The following IPMK variants were observed in gnomAD, a reference collection of about 807,000 sequenced individuals.
The protein encoded by IPMK is inositol polyphosphate multikinase.
A neutral mutation model predicts 45.8 loss-of-function variants in IPMK; 17 were observed. The ratio of observed to expected loss-of-function variants is 0.37; its 90% CI spans 0.25 to 0.56. IPMK has a LOEUF of 0.56. Among genes scored for constraint, IPMK ranks in the 20% least tolerant of loss-of-function variants. IPMK has a pLI of 0.79. For synonymous variants in IPMK, 180 were observed against 184.3 expected (o/e 0.98, Z 0.19); for missense variants, 399 against 498.0 (o/e 0.80, Z 1.89).
intron 1 of IPMK, among the ~76,000 whole-genome samples, chr10:58,265,674 A>C (rs1324098711): frequency 1.3e-5 from 2 of 152,200 alleles, no homozygotes; most frequent in East Asian, 3.8e-4. Flanking sequence ...ATTGCAAAAA[A>C]AGTTTATTTT....
chr10:58,199,220 A>G lies in IPMK; in HGVS notation c.628+20T>C, dbSNP rs1404160732. ...CTTTTAACTGTTCAATCATAAAAGCATTAGTTTTTTAGTCCTTACCATCCT... is the reference window on the plus strand; with the variant it reads ...CTTTTAACTGTTCAATCATAAAAGCGTTAGTTTTTTAGTCCTTACCATCCT... On this transcript the variant is annotated intron_variant, in intron 5 of 5. Coordinates refer to ENST00000373935, the MANE Select transcript of IPMK (RefSeq NM_152230.5). 1.4e-6 allele frequency: 2 copies of G among 1,478,888 alleles called. No individual in the cohort carries two copies. The highest frequency in any genetic ancestry group is 2.1e-4 in the Middle Eastern group (1 of 4,872). The allele number at this position is 1,478,888 out of a possible 1,614,324, so 91.6% of individuals were successfully genotyped here. A position where few individuals can be genotyped will look rare whatever the true frequency, so the allele number is the denominator to read the frequency against.
chr10:58,221,549 A>C (rs1838336327), intron 3 of IPMK, among the ~76,000 whole-genome samples: 8 of 152,004 alleles, frequency 5.3e-5, no homozygotes, highest in Admixed American at 5.3e-4. Flanking sequence ...ACTAAAAATA[A>C]GATAGATTTC....
At chr10:58,253,746 A>G (rs577563377) in intron 1 of IPMK, among the ~76,000 whole-genome samples, 10 of 137,418 alleles carry the variant, frequency 7.3e-5, no homozygotes, top group Middle Eastern at 7.0e-3. Flanking sequence ...AAAAAAAAAA[A>G]AAAAGAAAAA....
At chr10:58,197,041 C>G (rs968128847) in intron 5 of IPMK, among the ~76,000 whole-genome samples, 8 of 152,186 alleles carry the variant, frequency 5.3e-5, no homozygotes, top group Non-Finnish European at 1.0e-4. Flanking sequence ...TGGCTCACGC[C>G]TGTAATCCCA....
intron 1 of IPMK, among the ~76,000 whole-genome samples, chr10:58,243,481 T>C (rs1010698507): frequency 1.8e-4 from 27 of 152,306 alleles, no homozygotes; most frequent in Admixed American, 1.4e-3. Flanking sequence ...GTGATTCTCC[T>C]GCCTCGGCCT....
At chr10:58,237,191 T>C (rs1838626754) in intron 2 of IPMK, among the ~76,000 whole-genome samples, 1 of 152,190 alleles carries the variant, frequency 6.6e-6, no homozygotes, top group Non-Finnish European at 1.5e-5. Flanking sequence ...CCTTGCCCTC[T>C]TGCCCTTACA....
intron 1 of IPMK, among the ~76,000 whole-genome samples, chr10:58,252,130 T>G (rs1353420907): frequency 6.6e-6 from 1 of 152,234 alleles, no homozygotes; most frequent in Non-Finnish European, 1.5e-5. Flanking sequence ...GCCATTTATT[T>G]TTAGTGTCTC....
chr10:58,230,421 AT>A (rs1838495718), intron 2 of IPMK, among the ~76,000 whole-genome samples: 1 of 152,174 alleles, frequency 6.6e-6, no homozygotes, highest in African/African-American at 2.4e-5. Flanking sequence ...GACACCTCAT[AT>A]AGGCGGCTGC....
At chr10:58,220,633 C>T (rs1405686765) in intron 3 of IPMK, among the ~76,000 whole-genome samples, 2 of 130,976 alleles carry the variant, frequency 1.5e-5, no homozygotes, top group African/African-American at 7.5e-5. Context: ...AGCATAGTGT[C>T]AGTCCTCATC....
Position 58,216,287 on chromosome 10 carries a change from T to C in IPMK, c.404A>G (p.His135Arg). ...CATTATACAGGGCTTATTAAATTTA[T>C]GGGTCACATCTTCCAGTTTTAGGTA... The part of the protein sequence containing the change: ...DLYLKLEDVT[H>R]KFNKPCIMDV... The change falls in exon 4 of 6, where the codon CAT (histidine) becomes CGT (arginine). Residue 135 changes from histidine (H) to arginine (R), a missense_variant. His to Arg is a conservative substitution (Grantham distance 29, BLOSUM62 0). Transcript: ENST00000373935. The C allele has an allele frequency of 6.3e-7, 1 of 1,575,398 alleles. No individual in the cohort carries two copies. The highest frequency in any genetic ancestry group is 8.6e-7 in the Non-Finnish European group (1 of 1,159,270).
intron 1 of IPMK, among the ~76,000 whole-genome samples, chr10:58,247,969 C>A (rs1413275170): frequency 6.6e-6 from 1 of 152,130 alleles, no homozygotes; most frequent in Non-Finnish European, 1.5e-5. Context: ...CAGACTTTTT[C>A]CTTTATGTAT....
chr10:58,202,235 C>T (rs1838008556), intron 4 of IPMK, among the ~76,000 whole-genome samples: 1 of 152,120 alleles, frequency 6.6e-6, no homozygotes, highest in African/African-American at 2.4e-5. Flanking sequence ...AAAATGCCAC[C>T]TAGGGTTTTC....
intron 1 of IPMK, among the ~76,000 whole-genome samples, chr10:58,264,409 G>A (rs183272405): frequency 6.6e-5 from 10 of 152,282 alleles, no homozygotes; most frequent in Admixed American, 6.5e-4. Flanking sequence ...ACAATTATCA[G>A]TTTAAATCCT....
chr10:58,208,588 A>G lies in IPMK; in HGVS notation c.546+7557T>C, dbSNP rs1288839414. On this transcript the variant is annotated intron_variant, in intron 4 of 5. Transcript: ENST00000373935. The stretch of plus-strand genomic sequence containing the variant: ...ACTGATTCTTGGTACTTGTAGGGAT[A>G]AAGACTCTGTATGAGTTCCTTAGTT... Among the ~76,000 whole-genome samples, 3 of 152,156 alleles carry G rather than the reference A, an allele frequency of 2.0e-5. No individual in the cohort carries two copies. The East Asian group carries it at 5.8e-4, about 29-fold the overall frequency.
At position 58,194,147 on chromosome 10, in the gene IPMK, TAA is replaced by T. The variant is rs1436142547; in HGVS notation, c.*1927_*1928del. 1.3e-5 allele frequency: 2 copies of T among 151,838 alleles called. No individual in the cohort carries two copies. Among genetic ancestry groups the T allele is most frequent in the Non-Finnish European group, 3.0e-5 (2 of 67,742 alleles). The allele number at this position is 151,838 out of a possible 1,614,324, so 9.4% of individuals were successfully genotyped here. Reference sequence around the variant, plus strand: ...AATGTGCAAAAAATCTGACAATACTTAAGTTTATTAAATTCATTGTACATAGG... The same window carrying T: ...AATGTGCAAAAAATCTGACAATACTTGTTTATTAAATTCATTGTACATAGG... On this transcript the variant is annotated 3_prime_UTR_variant, in exon 6 of 6. Coordinates refer to ENST00000373935, the MANE Select transcript of IPMK (RefSeq NM_152230.5).
chr10:58,251,974 C>A (rs1458069301), intron 1 of IPMK, among the ~76,000 whole-genome samples: 2 of 152,234 alleles, frequency 1.3e-5, no homozygotes, highest in Non-Finnish European at 2.9e-5. Context: ...AATACATTTA[C>A]ACTCAAGGTA....
rs543402860 is a variant in IPMK at position 58,267,293 on chromosome 10, G to A, written c.190+129C>T. The A allele has an allele frequency of 3.0e-5, 25 of 831,688 alleles. No homozygotes were observed. In the East Asian group the frequency reaches 5.9e-4, roughly 20 times the overall value. 51.5% of individuals were successfully genotyped at this position (831,688 alleles called of 1,614,324 possible). A position where few individuals can be genotyped will look rare whatever the true frequency, so the allele number is the denominator to read the frequency against. The stretch of plus-strand genomic sequence containing the variant: ...GGCGAGGCTTCGGGGGACAGCGGAA[G>A]AGGCCAGGGATTTGGCGTGCACACC... On this transcript the variant is annotated intron_variant, in intron 1 of 5. Coordinates refer to ENST00000373935, the MANE Select transcript of IPMK (RefSeq NM_152230.5).
chr10:58,257,202 G>C (rs1319175247), intron 1 of IPMK, among the ~76,000 whole-genome samples: 1 of 152,002 alleles, frequency 6.6e-6, no homozygotes, highest in African/African-American at 2.4e-5. Flanking sequence ...TTAAACACAG[G>C]GTATTTCAAC....
chr10:58,265,133 AACT>A (rs1470588707), intron 1 of IPMK, among the ~76,000 whole-genome samples: 1 of 152,232 alleles, frequency 6.6e-6, no homozygotes, highest in Non-Finnish European at 1.5e-5. Flanking sequence ...CGGATGTCTG[AACT>A]ACTAATATAT....
Sources: allele counts gnomAD v4.1 joint callset (sites outside exome capture counted in the v4.1 genomes callset), GRCh38; gene constraint gnomAD v4.1.1; transcripts MANE v1.5; gene names NCBI Gene and HGNC (gene_info 2026-07-23, HGNC 2026-07-21).